ADGRL2: variants seen among roughly 807,000 people sequenced by gnomAD.
ADGRL2 encodes adhesion G protein-coupled receptor L2.
In ADGRL2, 44 loss-of-function variants were observed where a neutral mutation model predicts 157.4. The observed-to-expected ratio is 0.28, with a 90% CI of 0.22 to 0.36. The LOEUF is 0.36. Ranked by LOEUF, ADGRL2 falls within the 10% of genes least tolerant of loss-of-function variation. The probability of loss-of-function intolerance (pLI) is 1.00; values close to 1 mark genes in which losing one functional copy is unlikely to be tolerated. For missense variants in ADGRL2, 1,510 were observed against 1,768.9 expected, an observed-to-expected ratio of 0.85 and a Z score of 2.63; for synonymous variants, 585 against 624.7, an observed-to-expected ratio of 0.94 and a Z score of 0.95.
At position 81,558,967 on chromosome 1, in the gene ADGRL2, C is replaced by T. The variant is rs373728165; in HGVS notation, c.-247-21909C>T. On this transcript the variant is annotated intron_variant, in intron 2 of 24. Coordinates refer to the ADGRL2 transcript ENST00000370721. ...GTGCCTGGTCTGGGTCAGGTATAAA[C>T]AAGCTGGAATCTGGCATAGGTAGGA... 2.4e-4 allele frequency among the ~76,000 whole-genome samples: 36 copies of T among 152,290 alleles called. No individual in the cohort carries two copies. In the South Asian group the frequency reaches 7.2e-3, roughly 31 times the overall value.
At chr1:81,773,435 T>C (rs925724310) in intron 2 of ADGRL2, among the ~76,000 whole-genome samples, 1 of 152,088 alleles carries the variant, frequency 6.6e-6, no homozygotes, top group Non-Finnish European at 1.5e-5. Context: ...AGTTTCTGGG[T>C]GAGTTAATTT....
At chr1:81,925,248 C>G (rs919185651) in intron 3 of ADGRL2, among the ~76,000 whole-genome samples, 6 of 151,974 alleles carry the variant, frequency 3.9e-5, no homozygotes, top group Non-Finnish European at 8.8e-5. Flanking sequence ...ATGTATTTCC[C>G]TTGCCCTCCA....
intron 1 of ADGRL2, among the ~76,000 whole-genome samples, chr1:81,384,931 AT>A (rs777577337): frequency 1.3e-5 from 2 of 152,192 alleles, no homozygotes; most frequent in Non-Finnish European, 2.9e-5. Flanking sequence ...GTTAATGCTT[AT>A]GAAACAACGA....
At chr1:81,784,908 T>C (rs1430613389) in intron 2 of ADGRL2, among the ~76,000 whole-genome samples, 4 of 152,178 alleles carry the variant, frequency 2.6e-5, no homozygotes, top group South Asian at 2.1e-4. Context: ...GAATTAACTA[T>C]ATCTTTTATC....
At chr1:81,520,946 A>C (rs985252806) in intron 2 of ADGRL2, among the ~76,000 whole-genome samples, 35 of 152,344 alleles carry the variant, frequency 2.3e-4, no homozygotes, top group African/African-American at 7.9e-4. Context: ...CTTGATTTCC[A>C]GCATTCTAGC....
At chr1:81,524,006 A>G (rs1284446402) in intron 2 of ADGRL2, among the ~76,000 whole-genome samples, 1 of 152,020 alleles carries the variant, frequency 6.6e-6, no homozygotes, top group Non-Finnish European at 1.5e-5. Context: ...TGAAGGTTGC[A>G]GTGAGCCAAG....
chr1:81,585,196 C>T (rs2080998908), intron 3 of ADGRL2, among the ~76,000 whole-genome samples: 1 of 152,114 alleles, frequency 6.6e-6, no homozygotes, highest in East Asian at 1.9e-4. Flanking sequence ...TATCTAGACT[C>T]ACATAAGGAA....
chr1:81,379,185 C>CAAAT (rs2076301813), intron 1 of ADGRL2, among the ~76,000 whole-genome samples: 1 of 152,112 alleles, frequency 6.6e-6, no homozygotes, highest in Non-Finnish European at 1.5e-5. Context: ...AATGTTCCCT[C>CAAAT]GTCTCCTCAA....
chr1:81,955,818 G>T, intron 10 of ADGRL2, 59 bp from the exon 11 acceptor site: 1 of 1,104,638 alleles, frequency 9.1e-7, no homozygotes, highest in South Asian at 1.7e-5. Flanking sequence ...ATCAGCTACT[G>T]AAAATCACTT....
At position 81,874,119 on chromosome 1, in the gene ADGRL2, C is replaced by G. The variant is rs1487989484; in HGVS notation, c.74-32898C>G. On this transcript the variant is annotated intron_variant, in intron 2 of 23. Coordinates refer to ENST00000686636, the MANE Select transcript of ADGRL2 (RefSeq NM_001366006.2). The stretch of plus-strand genomic sequence containing the variant: ...GATTTGTTTTGGTTGGGTAGCTACT[C>G]CAACATTCTTTCTTCACATTCTTCC... 5.3e-5 allele frequency among the ~76,000 whole-genome samples: 8 copies of G among 152,068 alleles called. No individual in the cohort carries two copies. The South Asian group carries it at 1.0e-3, about 20-fold the overall frequency.
chr1:81,682,103 A>ATATGTGTGTGTGTGTG (rs141980830), intron 3 of ADGRL2, among the ~76,000 whole-genome samples: 32 of 148,032 alleles, frequency 2.2e-4, no homozygotes, highest in African/African-American at 7.3e-4. Flanking sequence ...ATACATATAT[A>ATATGTGTGTGTGTGTG]TGTGTGTGTG....
intron 1 of ADGRL2, among the ~76,000 whole-genome samples, chr1:81,753,521 A>C (rs1306565847): frequency 6.6e-6 from 1 of 152,212 alleles, no homozygotes; most frequent in South Asian, 2.1e-4. Flanking sequence ...GAGAGCATCA[A>C]GTAAATTTAT....
At chr1:81,590,329 G>T (rs1365589582) in intron 3 of ADGRL2, among the ~76,000 whole-genome samples, 1 of 152,012 alleles carries the variant, frequency 6.6e-6, no homozygotes, top group African/African-American at 2.4e-5. Context: ...TACCCTTGTT[G>T]GTGACTCATC....
chr1:81,466,995 C>T (rs572962014), intron 2 of ADGRL2, among the ~76,000 whole-genome samples: 1 of 151,626 alleles, frequency 6.6e-6, no homozygotes, highest in Admixed American at 6.6e-5. Context: ...TTTCTTCCTT[C>T]ACACCAGCCC....
chr1:81,631,772 C>G (rs2082014702), intron 3 of ADGRL2, among the ~76,000 whole-genome samples: 1 of 152,142 alleles, frequency 6.6e-6, no homozygotes, highest in African/African-American at 2.4e-5. Context: ...TCTCAAAAGT[C>G]TACATAACAT....
At chr1:81,928,099 T>C (rs566947010) in intron 3 of ADGRL2, among the ~76,000 whole-genome samples, 1 of 152,202 alleles carries the variant, frequency 6.6e-6, no homozygotes, top group Non-Finnish European at 1.5e-5. Context: ...CCTATTTATG[T>C]TCTAAAGTTA....
chr1:81,374,450 T>C (rs2076212481), intron 1 of ADGRL2, among the ~76,000 whole-genome samples: 1 of 151,984 alleles, frequency 6.6e-6, no homozygotes, highest in Admixed American at 6.6e-5. Context: ...CGGGCACCTG[T>C]AATCCCAGCT....
Position 81,595,726 on chromosome 1 carries a change from T to C in ADGRL2, c.-143+14746T>C, listed in dbSNP as rs187954295. Among the ~76,000 whole-genome samples, 7 of 152,378 alleles carry C rather than the reference T, an allele frequency of 4.6e-5. No homozygotes were observed. The East Asian group carries it at 1.3e-3, about 29-fold the overall frequency. On this transcript the variant is annotated intron_variant, in intron 3 of 24. Transcript: ENST00000370721. ...ATTACATGAGCCTGCGATATGAATG[T>C]ATTGCCTTAGCATTTGCTTAGCTCT...
At chr1:81,628,070 A>G (rs908438128) in intron 3 of ADGRL2, among the ~76,000 whole-genome samples, 1 of 152,196 alleles carries the variant, frequency 6.6e-6, no homozygotes, top group Admixed American at 6.5e-5. Context: ...CCTGCATCAC[A>G]TTGAAAAAAT....
Sources: allele counts gnomAD v4.1 joint callset (sites outside exome capture counted in the v4.1 genomes callset), GRCh38; gene constraint gnomAD v4.1.1; transcripts MANE v1.5; gene names NCBI Gene and HGNC (gene_info 2026-07-23, HGNC 2026-07-21).